The following DNAJC15 variants were observed in gnomAD, a reference collection of about 807,000 sequenced individuals.
DNAJC15 encodes DnaJ heat shock protein family (Hsp40) member C15.
In DNAJC15, 27 loss-of-function variants were observed where a neutral mutation model predicts 22.4. The observed-to-expected ratio is 1.20, with a 90% confidence interval of 0.89 to 1.66. DNAJC15 has a LOEUF of 1.66. DNAJC15 is among the 40% of genes most tolerant of loss of function. The pLI is 0.00. For synonymous variants in DNAJC15, 79 were observed against 63.2 expected (o/e 1.25, Z -1.19); for missense variants, 208 against 187.1 (o/e 1.11, Z -0.65).
At chr13:43,036,166 CT>C (rs1181907862) in intron 1 of DNAJC15, among the ~76,000 whole-genome samples, 3,650 of 125,842 alleles carry the variant, frequency 0.029, 37 homozygotes, top group African/African-American at 0.053. Context: ...CAGTTTCTGT[CT>C]TTTTTTTTTT....
intron 1 of DNAJC15, among the ~76,000 whole-genome samples, chr13:43,050,364 G>A (rs544056554): frequency 1.3e-5 from 2 of 151,932 alleles, no homozygotes; most frequent in Non-Finnish European, 2.9e-5. Context: ...GAAGTACAGT[G>A]GCATAATCAC....
chr13:43,070,578 G>C (rs2040603901), intron 3 of DNAJC15, among the ~76,000 whole-genome samples: 1 of 152,130 alleles, frequency 6.6e-6, no homozygotes, highest in Admixed American at 6.5e-5. Flanking sequence ...AGATAGGCCA[G>C]GTAAGGTTTC....
intron 5 of DNAJC15, 96 bp downstream of exon 5, chr13:43,085,934 A>T (rs2040686194): frequency 6.3e-6 from 7 of 1,113,058 alleles, no homozygotes; most frequent in Non-Finnish European, 9.1e-6. Context: ...TTGAGATGGA[A>T]GTTTGTGCGC....
In DNAJC15 at chr13:43,070,454, T is replaced by TA. The variant is rs199864394; in HGVS notation, c.234+1464dup. ...TACATGTTAGTGGAGAGACACAGTG[T>TA]AAAAAAAAAAAAATGAAGTAAGATA... On this transcript the variant is annotated intron_variant, in intron 3 of 5. Coordinates refer to ENST00000379221, the MANE Select transcript of DNAJC15 (RefSeq NM_013238.3). 0.021 allele frequency among the ~76,000 whole-genome samples: 3,042 copies of TA among 142,404 alleles called. 227 individuals carry two copies. In the East Asian group the frequency reaches 0.26, roughly 12 times the overall value. The allele number at this position is 142,404 out of a possible 152,430, so 93.4% of individuals were successfully genotyped here.
chr13:43,042,909 GAC>G (rs1456646711), intron 1 of DNAJC15, among the ~76,000 whole-genome samples: 1 of 152,122 alleles, frequency 6.6e-6, no homozygotes, highest in Non-Finnish European at 1.5e-5. Context: ...TAGCCAGGTT[GAC>G]ACATAAAATT....
intron 1 of DNAJC15, among the ~76,000 whole-genome samples, chr13:43,037,911 C>T (rs555758113): frequency 3.2e-4 from 48 of 152,246 alleles, no homozygotes; most frequent in African/African-American, 9.1e-4. Flanking sequence ...CCCAAGACTA[C>T]GTTTTAATGA....
intron 4 of DNAJC15, among the ~76,000 whole-genome samples, chr13:43,079,705 A>G (rs1389672831): frequency 6.6e-6 from 1 of 152,210 alleles, no homozygotes; most frequent in African/African-American, 2.4e-5. Flanking sequence ...TTGAAATCTG[A>G]GTATAAAACA....
chr13:43,051,371 A>T (rs2040502134), intron 1 of DNAJC15, among the ~76,000 whole-genome samples: 1 of 151,874 alleles, frequency 6.6e-6, no homozygotes, highest in Admixed American at 6.6e-5. Context: ...ATTTTAGTGT[A>T]CTCATCACCT....
At chr13:43,084,376 C>T (rs1038386604) in intron 4 of DNAJC15, among the ~76,000 whole-genome samples, 2 of 152,024 alleles carry the variant, frequency 1.3e-5, no homozygotes, top group African/African-American at 2.4e-5. Flanking sequence ...GGTTTTATTA[C>T]GTGTATGCTA....
At chr13:43,089,535 TG>T (rs1158297094) in intron 5 of DNAJC15, among the ~76,000 whole-genome samples, 2 of 152,138 alleles carry the variant, frequency 1.3e-5, no homozygotes, top group African/African-American at 4.8e-5. Flanking sequence ...AAGGGGCTAA[TG>T]TGCAAAGCCT....
At chr13:43,083,219 G>C (rs188351655) in intron 4 of DNAJC15, among the ~76,000 whole-genome samples, 153 of 152,010 alleles carry the variant, frequency 1.0e-3, no homozygotes, top group African/African-American at 3.5e-3. Flanking sequence ...CCAGGCTGGA[G>C]TGCAGTGGCG....
intron 5 of DNAJC15, among the ~76,000 whole-genome samples, chr13:43,099,529 A>G (rs1002568736): frequency 6.6e-6 from 1 of 152,194 alleles, no homozygotes; most frequent in African/African-American, 2.4e-5. Flanking sequence ...CTTTTTATCT[A>G]CAAACATACT....
intron 1 of DNAJC15, among the ~76,000 whole-genome samples, chr13:43,049,576 C>A (rs929613124): frequency 1.1e-4 from 16 of 152,128 alleles, no homozygotes; most frequent in Non-Finnish European, 1.5e-4. Flanking sequence ...TATTCAGAAA[C>A]CCCAGTGTGT....
intron 1 of DNAJC15, among the ~76,000 whole-genome samples, chr13:43,040,487 GTCTAA>G (rs1187481266): frequency 6.6e-6 from 1 of 152,086 alleles, no homozygotes; most frequent in Non-Finnish European, 1.5e-5. Context: ...AAGTTGTCTG[GTCTAA>G]TCTGTGTTTA....
chr13:43,092,748 G>A (rs1245128750), intron 5 of DNAJC15, among the ~76,000 whole-genome samples: 1 of 152,062 alleles, frequency 6.6e-6, no homozygotes, highest in African/African-American at 2.4e-5. Flanking sequence ...CCTTTCTCCA[G>A]TAAAAATTTA....
chr13:43,092,033 T>C (rs959497847), intron 5 of DNAJC15, among the ~76,000 whole-genome samples: 1 of 152,220 alleles, frequency 6.6e-6, no homozygotes, highest in Non-Finnish European at 1.5e-5. Flanking sequence ...ATTGTTCAGA[T>C]CTTCTGCATT....
chr13:43,106,528 C>G (rs1593334784), intron 5 of DNAJC15, among the ~76,000 whole-genome samples: 1 of 152,104 alleles, frequency 6.6e-6, no homozygotes, highest in Non-Finnish European at 1.5e-5. Context: ...CACTGTAAAT[C>G]CAAAACTACA....
intron 1 of DNAJC15, among the ~76,000 whole-genome samples, chr13:43,050,600 G>A (rs556588058): frequency 4.0e-4 from 61 of 151,916 alleles, no homozygotes; most frequent in Non-Finnish European, 2.2e-4. Context: ...GATTGTATAG[G>A]ATACATGATT....
At chr13:43,092,234 A>G (rs2806707) in intron 5 of DNAJC15, among the ~76,000 whole-genome samples, 85,205 of 151,916 alleles carry the variant, frequency 0.56, 24,189 homozygotes, top group African/African-American at 0.66. Flanking sequence ...ATCTCTCATG[A>G]TTTATAGTAC....
Sources: gnomAD v4.1 joint callset for allele counts (sites outside exome capture counted in the v4.1 genomes callset) on GRCh38, gnomAD v4.1.1 for gene constraint, MANE v1.5 for transcripts, NCBI Gene and HGNC (gene_info 2026-07-23, HGNC 2026-07-21) for gene names.